HPSE2: variants seen among roughly 807,000 people sequenced by gnomAD.
HPSE2 encodes the protein inactive heparanase-2.
In HPSE2, 38 loss-of-function variants were observed where a neutral mutation model predicts 60.5. The observed-to-expected ratio is 0.63, with a 90% CI of 0.48 to 0.82. The LOEUF is 0.82. Among genes scored for constraint, HPSE2 ranks in the 40% least tolerant of loss-of-function variants. The pLI, the probability that HPSE2 is intolerant of heterozygous loss-of-function variation, is 0.00. For synonymous variants in HPSE2, 295 were observed against 293.2 expected (o/e 1.01, Z -0.06); for missense variants, 713 against 740.4 (o/e 0.96, Z 0.43).
At position 98,467,964 on chromosome 10, in the gene HPSE2, G is replaced by A. The variant is rs1432180716; in HGVS notation, c.1614-8225C>T. Among the ~76,000 whole-genome samples the A allele has an allele frequency of 2.0e-5, 3 of 152,232 alleles. No homozygotes were observed. In the East Asian group the frequency reaches 5.8e-4, roughly 29 times the overall value. Reference sequence around the variant, plus strand: ...GTGCGGGGTCTGCGGCGCCCGCCACGACTCGGCGCTGGGCTCTCCCGGGCT... The same window carrying A: ...GTGCGGGGTCTGCGGCGCCCGCCACAACTCGGCGCTGGGCTCTCCCGGGCT... On this transcript the variant is annotated intron_variant, in intron 11 of 11. Transcript: ENST00000370552.
chr10:99,288,744 C>T, the HPSE2 span, among the ~76,000 whole-genome samples: 1 of 19,206 alleles, frequency 5.2e-5, no homozygotes, highest in East Asian at 1.7e-3. Context: ...GGGACAGCCT[C>T]AAGCAAAAAA....
chr10:99,153,588 A>G (rs978946300), intron 2 of HPSE2, among the ~76,000 whole-genome samples: 27 of 151,886 alleles, frequency 1.8e-4, no homozygotes, highest in East Asian at 1.7e-3. Context: ...CATCCACACC[A>G]AAAACCCATC....
At chr10:98,521,359 T>C (rs1184852051) in intron 9 of HPSE2, among the ~76,000 whole-genome samples, 1 of 152,222 alleles carries the variant, frequency 6.6e-6, no homozygotes, top group Non-Finnish European at 1.5e-5. Flanking sequence ...AAGACATTTA[T>C]GCAGCCAACA....
rs1292574493 is a variant in HPSE2, at chr10:98,458,819, A to G, written c.*755T>C. Reference sequence around the variant, plus strand: ...ATAAACTGCTCTCCACTCAATGAATATTGTTACTTGACTCCCATTACAACT... The same window carrying G: ...ATAAACTGCTCTCCACTCAATGAATGTTGTTACTTGACTCCCATTACAACT... On this transcript the variant is annotated 3_prime_UTR_variant, in exon 12 of 12. Transcript: ENST00000370552. 1.3e-5 allele frequency: 2 copies of G among 154,076 alleles called. No homozygotes were observed. The highest frequency in any genetic ancestry group is 2.9e-5 in the Non-Finnish European group (2 of 69,306). The allele number at this position is 154,076 out of a possible 1,614,324, so 9.5% of individuals were successfully genotyped here.
At chr10:98,986,040 A>G (rs868832657) in intron 3 of HPSE2, among the ~76,000 whole-genome samples, 1 of 152,136 alleles carries the variant, frequency 6.6e-6, no homozygotes, top group South Asian at 2.1e-4. Context: ...CACAATAATA[A>G]TGGGAGACTT....
chr10:98,942,980 G>A (rs12260159), intron 3 of HPSE2, among the ~76,000 whole-genome samples: 22,949 of 149,588 alleles, frequency 0.15, 2,646 homozygotes, highest in African/African-American at 0.32. Context: ...CTATCGCAAG[G>A]ACAAAAAACC....
chr10:99,135,634 G>T (rs1439508108), intron 3 of HPSE2, among the ~76,000 whole-genome samples: 1 of 152,268 alleles, frequency 6.6e-6, no homozygotes, highest in Non-Finnish European at 1.5e-5. Flanking sequence ...CAGAAGTAAA[G>T]ACATTCTTTG....
At chr10:98,702,380 C>T (rs1254236615) in intron 5 of HPSE2, among the ~76,000 whole-genome samples, 2 of 152,190 alleles carry the variant, frequency 1.3e-5, no homozygotes, top group Non-Finnish European at 2.9e-5. Flanking sequence ...TAACACCCCA[C>T]TGTCAATATT....
intron 3 of HPSE2, among the ~76,000 whole-genome samples, chr10:98,950,381 A>T (rs1205795995): frequency 6.6e-6 from 1 of 152,188 alleles, no homozygotes. Flanking sequence ...AACCTGCCTG[A>T]CACACTAGTG....
At chr10:99,027,005 T>A (rs4469820) in intron 3 of HPSE2, among the ~76,000 whole-genome samples, 24,481 of 152,000 alleles carry the variant, frequency 0.16, 2,886 homozygotes, top group African/African-American at 0.33. Flanking sequence ...TATAAGTGCT[T>A]ACATCACACA....
At chr10:99,158,454 G>A (rs2133760404) in intron 2 of HPSE2, among the ~76,000 whole-genome samples, 1 of 106,880 alleles carries the variant, frequency 9.4e-6, no homozygotes, top group African/African-American at 3.1e-5. Flanking sequence ...TCCTTTGTAG[G>A]GACATGGATG....
chr10:99,242,132 TTGCCA>T, the HPSE2 span, among the ~76,000 whole-genome samples: 1 of 152,180 alleles, frequency 6.6e-6, no homozygotes, highest in Admixed American at 6.5e-5. Context: ...GTATGTTATT[TTGCCA>T]TCAAGGACTG....
At chr10:98,673,537 A>C (rs1036369458) in intron 6 of HPSE2, among the ~76,000 whole-genome samples, 3 of 152,138 alleles carry the variant, frequency 2.0e-5, no homozygotes, top group African/African-American at 7.2e-5. Context: ...AAGGCAGATT[A>C]CCTCAAGAGA....
chr10:98,469,912 C>A (rs185011915), intron 11 of HPSE2, among the ~76,000 whole-genome samples: 1 of 152,390 alleles, frequency 6.6e-6, no homozygotes, highest in East Asian at 1.9e-4. Flanking sequence ...TCATCTCTCT[C>A]TTTCTCATAA....
chr10:98,942,707 T>C (rs1955048640), intron 3 of HPSE2, among the ~76,000 whole-genome samples: 1 of 152,080 alleles, frequency 6.6e-6, no homozygotes, highest in African/African-American at 2.4e-5. Context: ...GAAACACCAT[T>C]TGACCCAGCC....
intron 4 of HPSE2, 119 bp from the exon 5 acceptor site, chr10:98,721,947 A>T: frequency 3.4e-6 from 3 of 879,226 alleles, no homozygotes; most frequent in Non-Finnish European, 5.4e-6. Flanking sequence ...ACAATAAAAA[A>T]GTGGGTGTGA....
chr10:99,131,563 T>C (rs1245988374), intron 3 of HPSE2, among the ~76,000 whole-genome samples: 1 of 151,818 alleles, frequency 6.6e-6, no homozygotes, highest in Non-Finnish European at 1.5e-5. Flanking sequence ...TACTCAGCCA[T>C]AAAAAGGAAA....
chr10:99,150,105 G>A (rs765356047), intron 2 of HPSE2, among the ~76,000 whole-genome samples: 1 of 152,054 alleles, frequency 6.6e-6, no homozygotes, highest in Non-Finnish European at 1.5e-5. Flanking sequence ...TATATACCCT[G>A]ACAGATGCAA....
chr10:98,557,458 A>T (rs1386649126), intron 9 of HPSE2, among the ~76,000 whole-genome samples: 1 of 152,230 alleles, frequency 6.6e-6, no homozygotes, highest in East Asian at 1.9e-4. Context: ...ACCTTATCCC[A>T]TACAATAAAA....
Sources: allele counts gnomAD v4.1 joint callset (sites outside exome capture counted in the v4.1 genomes callset), GRCh38; gene constraint gnomAD v4.1.1; transcripts MANE v1.5; gene names NCBI Gene and HGNC (gene_info 2026-07-23, HGNC 2026-07-21).